The following ALCAM variants were observed in gnomAD, a reference collection of about 807,000 sequenced individuals.
ALCAM encodes activated leukocyte cell adhesion molecule, also known as CD166 antigen.
A neutral mutation model predicts 70.9 loss-of-function variants in ALCAM; 30 were observed. The observed-to-expected ratio is 0.42, with a 90% CI of 0.32 to 0.57. The LOEUF is 0.57. ALCAM is among the 20% of genes least tolerant of loss of function. ALCAM has a pLI of 0.11. For missense variants in ALCAM, 591 were observed against 695.1 expected (o/e 0.85, Z 1.68); for synonymous variants, 249 against 242.5 (o/e 1.03, Z -0.25).
chr3:105,565,052 A>G (rs1031942066), intron 14 of ALCAM, among the ~76,000 whole-genome samples: 1 of 152,144 alleles, frequency 6.6e-6, no homozygotes, highest in African/African-American at 2.4e-5. Flanking sequence ...AACAGAGGCT[A>G]AGGTGGGATG....
intron 1 of ALCAM, among the ~76,000 whole-genome samples, chr3:105,373,429 T>C (rs1400083043): frequency 6.6e-6 from 1 of 152,220 alleles, no homozygotes; most frequent in Non-Finnish European, 1.5e-5. Context: ...ATCTCAAAGA[T>C]ACTTTCACCT....
At chr3:105,472,775 G>A (rs1366832521) in intron 1 of ALCAM, among the ~76,000 whole-genome samples, 1 of 151,380 alleles carries the variant, frequency 6.6e-6, no homozygotes, top group Non-Finnish European at 1.5e-5. Context: ...ACATTCTCAA[G>A]TACAGTGGTA....
intron 8 of ALCAM, among the ~76,000 whole-genome samples, chr3:105,544,110 A>AT (rs1464926791): frequency 6.6e-6 from 1 of 151,658 alleles, no homozygotes; most frequent in Non-Finnish European, 1.5e-5. Context: ...GCAAGTCTTC[A>AT]TACTGTAGAA....
chr3:105,540,041 T>C lies in ALCAM; in HGVS notation c.797T>C (p.Ile266Thr). The change falls in exon 7 of 16, where the codon ATC becomes ACC. Residue 266 changes from isoleucine to threonine, a missense_variant. This residue lies in a region of ALCAM where 427 missense variants were observed against 450.4 expected (regional missense o/e 0.95). Transcript: ENST00000306107. ...AATGCCATCAAAGAAGGGGATAACA[T>C]CACTCTTAAATGCTTAGGGAATGGC... ...PKNAIKEGDN[I>T]TLKCLGNGNP... The C allele has an allele frequency of 6.2e-7, 1 of 1,612,542 alleles. No individual in the cohort carries two copies. Among genetic ancestry groups the C allele is most frequent in the Non-Finnish European group, 8.5e-7 (1 of 1,178,918 alleles).
chr3:105,461,124 C>T (rs1412518252), intron 1 of ALCAM, among the ~76,000 whole-genome samples: 1 of 151,608 alleles, frequency 6.6e-6, no homozygotes, highest in East Asian at 1.9e-4. Flanking sequence ...AGAGAACATA[C>T]ATACATAAAG....
At chr3:105,449,096 A>G (rs1937363008) in intron 1 of ALCAM, among the ~76,000 whole-genome samples, 2 of 152,252 alleles carry the variant, frequency 1.3e-5, no homozygotes, top group South Asian at 2.1e-4. Flanking sequence ...ATGTTTCTAC[A>G]TGGTAAAAGG....
chr3:105,406,692 A>T (rs959269778), intron 1 of ALCAM, among the ~76,000 whole-genome samples: 1 of 152,164 alleles, frequency 6.6e-6, no homozygotes, highest in African/African-American at 2.4e-5. Flanking sequence ...AATAACTAAG[A>T]TCAGAACACA....
chr3:105,476,432 A>G (rs555827388), intron 1 of ALCAM, among the ~76,000 whole-genome samples: 3 of 152,152 alleles, frequency 2.0e-5, no homozygotes, highest in Admixed American at 2.0e-4. Flanking sequence ...AGAATGTCTC[A>G]TAGTTTTTGC....
At chr3:105,432,270 G>A (rs1490803890) in intron 1 of ALCAM, among the ~76,000 whole-genome samples, 1 of 151,930 alleles carries the variant, frequency 6.6e-6, no homozygotes, top group African/African-American at 2.4e-5. Context: ...ATTTTTTTCT[G>A]TAGAAAAATT....
chr3:105,538,817 G>T (rs1940040636), intron 6 of ALCAM, among the ~76,000 whole-genome samples: 1 of 152,118 alleles, frequency 6.6e-6, no homozygotes, highest in South Asian at 2.1e-4. Flanking sequence ...AATAAGAAAT[G>T]TATTAAATCA....
chr3:105,534,830 G>A lies in ALCAM; in HGVS notation c.715G>A (p.Val239Ile). 6.2e-7 allele frequency: 1 copy of A among 1,611,588 alleles called. No individual in the cohort carries two copies. The highest frequency in any genetic ancestry group is 8.5e-7 in the Non-Finnish European group (1 of 1,178,826). Residue 239 changes from valine to isoleucine, a missense_variant, in exon 6 of 16, where the codon GTA becomes ATA. By Grantham distance (29) the Val-to-Ile change is conservative. This residue lies in a region of ALCAM where 427 missense variants were observed against 450.4 expected (regional missense o/e 0.95). Coordinates refer to ENST00000306107, the MANE Select transcript of ALCAM (RefSeq NM_001627.4). ...GQKTIHSEQA[V>I]FDIYYPTEQV... is the part of the protein sequence containing the mutation. ...GAAAACAATTCATTCTGAACAGGCA[G>A]TATTTGATATTTACTGTAAGTAATT... is the stretch of plus-strand genomic sequence containing the variant.
In ALCAM at chr3:105,495,440, C is replaced by CA. The variant is rs71111363; in HGVS notation, c.74-24617dup. ...AAATTTGTTTTGTTCCACAAAGGGA[C>CA]AAAAAAAAAACAAAACAAAACATGA... On this transcript the variant is annotated intron_variant, in intron 1 of 15. Transcript: ENST00000306107. 4.3e-4 allele frequency among the ~76,000 whole-genome samples: 59 copies of CA among 136,728 alleles called. 1 individual carries two copies. Among genetic ancestry groups the CA allele is most frequent in the South Asian group, 3.2e-3 (14 of 4,440 alleles). 89.7% of individuals were successfully genotyped at this position (136,728 alleles called of 152,430 possible). A position where few individuals can be genotyped will look rare whatever the true frequency, so the allele number is the denominator to read the frequency against.
chr3:105,443,169 A>T (rs1937215739), intron 1 of ALCAM, among the ~76,000 whole-genome samples: 1 of 152,210 alleles, frequency 6.6e-6, no homozygotes, highest in East Asian at 1.9e-4. Flanking sequence ...TAAGAGATCA[A>T]GTACACCATT....
chr3:105,389,640 G>A (rs1935759775), intron 1 of ALCAM, among the ~76,000 whole-genome samples: 1 of 151,292 alleles, frequency 6.6e-6, no homozygotes, highest in Non-Finnish European at 1.5e-5. Flanking sequence ...TTGTTAAATA[G>A]GTAAATGTGT....
At chr3:105,566,296 G>A (rs1228339460) in intron 14 of ALCAM, among the ~76,000 whole-genome samples, 2 of 152,122 alleles carry the variant, frequency 1.3e-5, no homozygotes, top group Admixed American at 6.5e-5. Context: ...TATTGAGAAA[G>A]TGATATCGAA....
intron 4 of ALCAM, 87 bp downstream of exon 4, chr3:105,532,153 G>T: frequency 8.6e-7 from 1 of 1,161,576 alleles, no homozygotes. Flanking sequence ...AAGTAAGAAA[G>T]GCTTTGCTCT....
At chr3:105,542,918 G>T (rs1940158978) in intron 8 of ALCAM, among the ~76,000 whole-genome samples, 1 of 151,620 alleles carries the variant, frequency 6.6e-6, no homozygotes, top group African/African-American at 2.4e-5. Context: ...TCCCATCAGG[G>T]GCTAGTTACA....
intron 1 of ALCAM, among the ~76,000 whole-genome samples, chr3:105,457,873 A>G (rs1265884050): frequency 6.6e-6 from 1 of 151,982 alleles, no homozygotes; most frequent in Admixed American, 6.6e-5. Flanking sequence ...ACCACTCTCC[A>G]CCTGGCTAAC....
Position 105,367,219 on chromosome 3 carries a change from T to C in ALCAM, c.-190T>C, listed in dbSNP as rs940902336. On this transcript the variant is annotated 5_prime_UTR_variant, in exon 1 of 16. Coordinates refer to ENST00000306107, the MANE Select transcript of ALCAM (RefSeq NM_001627.4). The stretch of plus-strand genomic sequence containing the variant: ...CGGGAGGGAGGAGGAGTTGGGGGCA[T>C]TGCGTGGTGGAAAGTTGCGTGCGGC... 12 of 587,358 alleles carry C rather than the reference T, an allele frequency of 2.0e-5. No individual in the cohort carries two copies. Among genetic ancestry groups the C allele is most frequent in the African/African-American group, 3.8e-5 (2 of 52,726 alleles). The allele number at this position is 587,358 out of a possible 1,614,324, so 36.4% of individuals were successfully genotyped here.
Sources: gnomAD v4.1 joint callset for allele counts (sites outside exome capture counted in the v4.1 genomes callset) on GRCh38, gnomAD v4.1.1 for gene constraint, gnomAD v4.1.1 regional missense constraint, MANE v1.5 for transcripts, NCBI Gene and HGNC (gene_info 2026-07-23, HGNC 2026-07-21) for gene names.